The following DHRS7B variants were observed in gnomAD, a reference collection of about 807,000 sequenced individuals.
The protein encoded by DHRS7B is dehydrogenase/reductase 7B, also known as peroxisomal reductase activating PPAR-gamma.
Under a neutral mutation model 26.4 loss-of-function variants are expected in DHRS7B, and 24 were observed. The ratio of observed to expected loss-of-function variants is 0.91; its 90% CI spans 0.66 to 1.28. DHRS7B has a LOEUF of 1.28. DHRS7B is among the 50% of genes most tolerant of loss of function. The pLI is 0.00. For synonymous variants in DHRS7B, 142 were observed against 166.4 expected, an observed-to-expected ratio of 0.85 and a Z score of 1.13; for missense variants, 368 against 419.4, an observed-to-expected ratio of 0.88 and a Z score of 1.07.
At chr17:21,178,472 C>T in intron 3 of DHRS7B, 130 bp downstream of exon 3, 1 of 732,204 alleles carries the variant, frequency 1.4e-6, no homozygotes, top group Non-Finnish European at 2.3e-6. Context: ...CCAGGGAAGG[C>T]AGCAGGTCTC....
At chr17:21,158,256 G>GT (rs972349624) in intron 1 of DHRS7B, among the ~76,000 whole-genome samples, 3 of 152,096 alleles carry the variant, frequency 2.0e-5, no homozygotes, top group African/African-American at 7.2e-5. Flanking sequence ...AATCATTACT[G>GT]TTTTTTAACA....
chr17:21,133,843 GA>G (rs1184926813), intron 1 of DHRS7B, among the ~76,000 whole-genome samples: 1 of 152,198 alleles, frequency 6.6e-6, no homozygotes, highest in East Asian at 1.9e-4. Context: ...AACAATCCTG[GA>G]AAAATCGATA....
chr17:21,175,513 C>A (rs961779940), intron 2 of DHRS7B, among the ~76,000 whole-genome samples: 1 of 152,216 alleles, frequency 6.6e-6, no homozygotes, highest in Non-Finnish European at 1.5e-5. Context: ...CTCTAAGATT[C>A]GGTCTGGAAC....
chr17:21,179,830 G>A (rs1407300241), intron 3 of DHRS7B, among the ~76,000 whole-genome samples: 4 of 149,378 alleles, frequency 2.7e-5, no homozygotes, highest in Non-Finnish European at 3.0e-5. Flanking sequence ...GCAACGGTGC[G>A]ATCTCAGCTC....
At chr17:21,188,135 C>T (rs1333436804) in intron 5 of DHRS7B, among the ~76,000 whole-genome samples, 1 of 152,120 alleles carries the variant, frequency 6.6e-6, no homozygotes, top group African/African-American at 2.4e-5. Flanking sequence ...CAGGTGTGAG[C>T]CACCGCGCCC....
At chr17:21,165,798 C>T (rs916550620) in intron 1 of DHRS7B, among the ~76,000 whole-genome samples, 2 of 151,516 alleles carry the variant, frequency 1.3e-5, no homozygotes, top group South Asian at 2.1e-4. Context: ...CGCCTGTAGT[C>T]GCAGCTACGC....
intron 1 of DHRS7B, among the ~76,000 whole-genome samples, chr17:21,152,117 C>A (rs961806934): frequency 6.6e-6 from 1 of 152,168 alleles, no homozygotes; most frequent in African/African-American, 2.4e-5. Context: ...CCAATTAAAT[C>A]TCTTTTCTTT....
At chr17:21,155,062 G>A (rs887752659) in intron 1 of DHRS7B, among the ~76,000 whole-genome samples, 7 of 152,086 alleles carry the variant, frequency 4.6e-5, no homozygotes, top group Non-Finnish European at 1.0e-4. Context: ...AACTGTGGAA[G>A]ACAAAAAGAG....
intron 1 of DHRS7B, among the ~76,000 whole-genome samples, chr17:21,158,739 C>T (rs1015931100): frequency 2.0e-5 from 3 of 152,062 alleles, no homozygotes; most frequent in African/African-American, 7.2e-5. Context: ...ATAACCAACT[C>T]AATATTGTGG....
chr17:21,150,967 C>G (rs1402139736), intron 1 of DHRS7B, among the ~76,000 whole-genome samples: 1 of 152,162 alleles, frequency 6.6e-6, no homozygotes, highest in Non-Finnish European at 1.5e-5. Context: ...CTACCACAAA[C>G]ATTAATATAC....
chr17:21,140,533 CACACA>C (rs1567616930), intron 1 of DHRS7B, among the ~76,000 whole-genome samples: 28 of 150,604 alleles, frequency 1.9e-4, no homozygotes, highest in Non-Finnish European at 2.7e-4. Flanking sequence ...CACACACACA[CACACA>C]CCCTGACACC....
At chr17:21,136,754 C>G (rs1248607772) in intron 1 of DHRS7B, among the ~76,000 whole-genome samples, 1 of 151,770 alleles carries the variant, frequency 6.6e-6, no homozygotes, top group East Asian at 2.0e-4. Context: ...CAGGGTTTCA[C>G]CATGTTAGCC....
chr17:21,152,593 T>C (rs556463885), intron 1 of DHRS7B, among the ~76,000 whole-genome samples: 2 of 152,320 alleles, frequency 1.3e-5, no homozygotes, highest in African/African-American at 4.8e-5. Flanking sequence ...CAATGAATAT[T>C]GGAGAGACAT....
chr17:21,138,368 C>G (rs934160321), intron 1 of DHRS7B, among the ~76,000 whole-genome samples: 9 of 151,308 alleles, frequency 5.9e-5, no homozygotes, highest in Non-Finnish European at 7.4e-5. Context: ...GGACTGCAGG[C>G]TGCCACCACC....
At position 21,172,172 on chromosome 17, in the gene DHRS7B, G is replaced by C. The variant is rs199620807; in HGVS notation, c.175G>C (p.Gly59Arg). Residue 59 changes from glycine (G) to arginine (R), a missense_variant, in exon 2 of 7, where the codon GGC becomes CGC. Transcript: ENST00000395511. ...YLRNAVVVITGATSGLGKECA... is the reference protein window; with the variant it reads ...YLRNAVVVITRATSGLGKECA... ...GCGGAATGCTGTGGTGGTGATCACA[G>C]GCGCCACCTCAGGGCTGGGCAAAGG... 189 of 1,613,246 alleles carry C rather than the reference G, an allele frequency of 1.2e-4. No individual in the cohort carries two copies. Among genetic ancestry groups the C allele is most frequent in the Non-Finnish European group, 3.6e-5 (43 of 1,179,686 alleles).
At chr17:21,178,614 A>G (rs571488187) in intron 3 of DHRS7B, among the ~76,000 whole-genome samples, 2 of 150,334 alleles carry the variant, frequency 1.3e-5, no homozygotes, top group Non-Finnish European at 3.0e-5. Context: ...GCTAAGCTCT[A>G]CTTACTGGGT....
intron 1 of DHRS7B, among the ~76,000 whole-genome samples, chr17:21,130,391 A>AAAATAAAT (rs199729898): frequency 3.9e-5 from 6 of 152,058 alleles, no homozygotes; most frequent in African/African-American, 9.7e-5. Flanking sequence ...TCCACCTCAA[A>AAAATAAAT]AAATAAATAA....
At chr17:21,129,175 T>C (rs1052319823) in intron 1 of DHRS7B, among the ~76,000 whole-genome samples, 5 of 152,134 alleles carry the variant, frequency 3.3e-5, no homozygotes, top group African/African-American at 1.2e-4. Context: ...AAATATTAAT[T>C]ACGATTGTGA....
At position 21,184,365 on chromosome 17, in the gene DHRS7B, C is replaced by T; in HGVS notation, c.527-6C>T. 1.2e-6 allele frequency: 2 copies of T among 1,613,420 alleles called. No homozygotes were observed. On this transcript the variant is annotated splice_region_variant and splice_polypyrimidine_tract_variant and intron_variant, in intron 4 of 6. Coordinates refer to ENST00000395511, the MANE Select transcript of DHRS7B (RefSeq NM_015510.5). ...CGCTTGCCTAAGCCTCTGCATCTGT[C>T]CTCAGCACTCCTGCCCTCCATGATC...
Sources: allele counts gnomAD v4.1 joint callset (sites outside exome capture counted in the v4.1 genomes callset), GRCh38; gene constraint gnomAD v4.1.1; transcripts MANE v1.5; gene names NCBI Gene and HGNC (gene_info 2026-07-23, HGNC 2026-07-21).